Variants in CLVS1 observed in about 807,000 individuals in gnomAD.
CLVS1 encodes clavesin-1.
In CLVS1, 10 loss-of-function variants were observed where a neutral mutation model predicts 33.1. That is an observed-to-expected ratio of 0.30 (90% CI 0.19 to 0.51). The LOEUF is 0.51. Ranked by LOEUF, CLVS1 falls within the 20% of genes least tolerant of loss-of-function variation. The probability of loss-of-function intolerance (pLI) is 0.97; values close to 1 mark genes in which losing one functional copy is unlikely to be tolerated. For synonymous variants in CLVS1, 163 were observed against 166.1 expected, an observed-to-expected ratio of 0.98 and a Z score of 0.14; for missense variants, 343 against 433.4, an observed-to-expected ratio of 0.79 and a Z score of 1.85.
chr8:61,401,415 T>C (rs948683598), intron 3 of CLVS1, among the ~76,000 whole-genome samples: 1 of 152,168 alleles, frequency 6.6e-6, no homozygotes, highest in Non-Finnish European at 1.5e-5. Flanking sequence ...TTTTCATAGA[T>C]GTCTTGTATC....
intron 2 of CLVS1, among the ~76,000 whole-genome samples, chr8:61,322,231 T>C (rs1563495126): frequency 1.3e-5 from 2 of 152,168 alleles, no homozygotes; most frequent in Non-Finnish European, 2.9e-5. Context: ...TTGCATATAT[T>C]TACAGAAACA....
intron 1 of CLVS1, among the ~76,000 whole-genome samples, chr8:61,107,014 G>A (rs1805549757): frequency 1.3e-5 from 2 of 152,160 alleles, no homozygotes; most frequent in African/African-American, 2.4e-5. Context: ...AGGTGGTTTT[G>A]GAGGGCTGTG....
intron 3 of CLVS1, among the ~76,000 whole-genome samples, chr8:61,406,088 G>C (rs189610494): frequency 6.6e-6 from 1 of 152,274 alleles, no homozygotes; most frequent in Admixed American, 6.5e-5. Flanking sequence ...AAACGTATGA[G>C]AGTCCATTTT....
rs77798222 is a variant in CLVS1 at position 61,412,623 on chromosome 8, C to T, written c.630+35844C>T. ...TGCTGGCAGTGCATCTTGTAACAAC[C>T]GGAGATGGGGCAGCCTCCTGCTTCT... On this transcript the variant is annotated intron_variant, in intron 3 of 5. Coordinates refer to ENST00000325897, the MANE Select transcript of CLVS1 (RefSeq NM_173519.3). Among the ~76,000 whole-genome samples the T allele has an allele frequency of 0.013, 1,917 of 152,284 alleles. 95 individuals carry two copies. In the East Asian group the frequency reaches 0.18, roughly 14 times the overall value.
At chr8:61,381,352 T>A (rs944948785) in intron 3 of CLVS1, among the ~76,000 whole-genome samples, 3 of 152,204 alleles carry the variant, frequency 2.0e-5, no homozygotes, top group Non-Finnish European at 4.4e-5. Context: ...GCTCAGAGGC[T>A]TAGCCAACTG....
intron 2 of CLVS1, among the ~76,000 whole-genome samples, chr8:61,335,341 GT>G (rs1811760873): frequency 6.6e-6 from 1 of 152,234 alleles, no homozygotes; most frequent in South Asian, 2.1e-4. Context: ...TATAAACTAA[GT>G]TTCTCCCAAA....
chr8:61,131,548 G>A (rs1806098788), intron 1 of CLVS1, among the ~76,000 whole-genome samples: 1 of 152,154 alleles, frequency 6.6e-6, no homozygotes, highest in Admixed American at 6.5e-5. Context: ...GGAACTGGGA[G>A]AAGTTGTTCT....
chr8:61,257,597 C>A (rs1020721489), intron 2 of CLVS1, among the ~76,000 whole-genome samples: 1 of 152,052 alleles, frequency 6.6e-6, no homozygotes, highest in Non-Finnish European at 1.5e-5. Context: ...AGATCTGTAA[C>A]CACGTTACAG....
At chr8:61,251,642 G>A (rs1220555944) in intron 2 of CLVS1, among the ~76,000 whole-genome samples, 3 of 152,110 alleles carry the variant, frequency 2.0e-5, no homozygotes, top group African/African-American at 7.2e-5. Flanking sequence ...TTCAACTTGG[G>A]AGAGTGTATG....
intron 3 of CLVS1, among the ~76,000 whole-genome samples, chr8:61,398,616 C>T (rs937350007): frequency 1.3e-5 from 2 of 151,990 alleles, no homozygotes; most frequent in Non-Finnish European, 2.9e-5. Flanking sequence ...AAACGTGTGC[C>T]ATGGTGGTTT....
At chr8:61,466,653 T>A (rs143106179) in intron 5 of CLVS1, among the ~76,000 whole-genome samples, 5,585 of 152,304 alleles carry the variant, frequency 0.037, 155 homozygotes, top group Non-Finnish European at 0.055. Flanking sequence ...GTTATTTTAT[T>A]ATTATTTTTT....
At chr8:61,388,880 A>G (rs1814189753) in intron 3 of CLVS1, among the ~76,000 whole-genome samples, 1 of 152,120 alleles carries the variant, frequency 6.6e-6, no homozygotes, top group African/African-American at 2.4e-5. Context: ...CCTATCTGGC[A>G]ATAAATTTTG....
chr8:61,059,282 T>TG (rs1421659383), intron 1 of CLVS1, among the ~76,000 whole-genome samples: 2 of 151,964 alleles, frequency 1.3e-5, no homozygotes, highest in Non-Finnish European at 2.9e-5. Context: ...GAATGACTAA[T>TG]GATGAATGAT....
At position 61,322,835 on chromosome 8, in the gene CLVS1, C is replaced by T. The variant is rs1407591262; in HGVS notation, c.455+22553C>T. ...CTGCTCGTTCTTCCTTTACCTAAAA[C>T]ACTTTTCAAGATTCAGTTTAAAAAT... On this transcript the variant is annotated intron_variant, in intron 2 of 5. Coordinates refer to ENST00000325897, the MANE Select transcript of CLVS1 (RefSeq NM_173519.3). Among the ~76,000 whole-genome samples the T allele has an allele frequency of 3.3e-5, 5 of 152,114 alleles. No homozygotes were observed. The East Asian group carries it at 9.6e-4, about 29-fold the overall frequency.
intron 5 of CLVS1, among the ~76,000 whole-genome samples, chr8:61,488,991 T>G (rs1022764364): frequency 1.3e-5 from 2 of 152,222 alleles, no homozygotes; most frequent in African/African-American, 4.8e-5. Flanking sequence ...TTGCAGTTCT[T>G]TATAGATGCT....
At chr8:61,200,435 G>A (rs150455413) in intron 2 of CLVS1, among the ~76,000 whole-genome samples, 44 of 152,318 alleles carry the variant, frequency 2.9e-4, no homozygotes, top group Non-Finnish European at 4.3e-4. Flanking sequence ...CTTACCATTA[G>A]TAATGACTAC....
At chr8:61,232,462 G>A (rs574155197) in intron 2 of CLVS1, among the ~76,000 whole-genome samples, 19 of 152,210 alleles carry the variant, frequency 1.2e-4, no homozygotes, top group Non-Finnish European at 2.8e-4. Context: ...GAAAGTTTGT[G>A]GATCTTTTTG....
chr8:61,027,116 T>C, the CLVS1 span, among the ~76,000 whole-genome samples: 2 of 152,186 alleles, frequency 1.3e-5, no homozygotes, highest in Non-Finnish European at 2.9e-5. Context: ...ATTACCATCA[T>C]CTCATGCCTA....
chr8:61,246,246 T>C (rs1808808123), intron 2 of CLVS1, among the ~76,000 whole-genome samples: 1 of 131,164 alleles, frequency 7.6e-6, no homozygotes, highest in South Asian at 2.7e-4. Flanking sequence ...CTCGGCTCAC[T>C]GGAACCTCTG....
Sources: allele counts gnomAD v4.1 joint callset (sites outside exome capture counted in the v4.1 genomes callset), GRCh38; gene constraint gnomAD v4.1.1; transcripts MANE v1.5; gene names NCBI Gene and HGNC (gene_info 2026-07-23, HGNC 2026-07-21).